The following DMD variants were observed in gnomAD, a reference collection of about 807,000 sequenced individuals.
DMD encodes the protein dystrophin, also known as mutant dystrophin.
Under a neutral mutation model 330.1 loss-of-function variants are expected in DMD, and 63 were observed. That is an observed-to-expected ratio of 0.19 (90% CI 0.16 to 0.24). The LOEUF is 0.24. Among genes scored for constraint, DMD ranks in the 10% least tolerant of loss-of-function variants. The pLI, the probability that DMD is intolerant of heterozygous loss-of-function variation, is 1.00. For missense variants in DMD, 3,344 were observed against 2,684.1 expected (o/e 1.25, Z -5.43); for synonymous variants, 1,223 against 959.8 (o/e 1.27, Z -5.07).
chrX:32,174,673 G>T (rs748813268), intron 44 of DMD, among the ~76,000 whole-genome samples: 5 of 111,590 alleles, frequency 4.5e-5, no homozygotes, highest in Admixed American at 9.5e-5. Flanking sequence ...TGGAAGCTAT[G>T]GTAAATTAAA....
intron 47 of DMD, among the ~76,000 whole-genome samples, chrX:31,889,539 A>G (rs1377298003): frequency 9.1e-6 from 1 of 109,459 alleles, no homozygotes; most frequent in African/African-American, 3.3e-5. Flanking sequence ...TCACTAAATA[A>G]TGTGATTTTG....
At chrX:31,387,173 C>A (rs2148764220) in intron 60 of DMD, among the ~76,000 whole-genome samples, 1 of 111,464 alleles carries the variant, frequency 9.0e-6, no homozygotes, top group Non-Finnish European at 1.9e-5. Flanking sequence ...TAAAAATGGT[C>A]ATTGTTCCAT....
chrX:31,406,835 A>G (rs1379903437), intron 60 of DMD, among the ~76,000 whole-genome samples: 2 of 111,475 alleles, frequency 1.8e-5, no homozygotes, highest in Non-Finnish European at 3.8e-5. Context: ...TAGTTTGTAA[A>G]AGAAAGGAGT....
At chrX:32,471,397 C>T (rs1395605941) in intron 22 of DMD, among the ~76,000 whole-genome samples, 6 of 112,004 alleles carry the variant, frequency 5.4e-5, no homozygotes, top group Non-Finnish European at 9.4e-5. Context: ...TATTAGAATT[C>T]AAATGTCTCA....
chrX:31,676,328 C>T (rs1216709524), intron 53 of DMD, among the ~76,000 whole-genome samples: 1 of 112,116 alleles, frequency 8.9e-6, no homozygotes, highest in African/African-American at 3.2e-5. Context: ...ATGACACATT[C>T]GATGTAAAGA....
At chrX:32,522,430 T>G (rs1429545635) in intron 17 of DMD, among the ~76,000 whole-genome samples, 1 of 112,268 alleles carries the variant, frequency 8.9e-6, no homozygotes, top group Non-Finnish European at 1.9e-5. Context: ...ATCCGTATAA[T>G]TTGTAAAGAT....
At chrX:31,326,028 G>A (rs1040706492) in intron 61 of DMD, among the ~76,000 whole-genome samples, 1 of 108,835 alleles carries the variant, frequency 9.2e-6, no homozygotes, top group African/African-American at 3.4e-5. Context: ...TCTGATAGCA[G>A]AAGAATCACT....
chrX:31,922,383 T>C (rs1256750520), intron 47 of DMD, among the ~76,000 whole-genome samples: 1 of 111,572 alleles, frequency 9.0e-6, no homozygotes, highest in Non-Finnish European at 1.9e-5. Context: ...GCGAGTGTTT[T>C]CCTGAGTTCT....
intron 2 of DMD, among the ~76,000 whole-genome samples, chrX:33,004,684 T>C (rs1451429892): frequency 1.8e-5 from 2 of 111,247 alleles, no homozygotes; most frequent in Non-Finnish European, 3.8e-5. Flanking sequence ...CTACTTATTA[T>C]ATTGGAATGC....
intron 21 of DMD, among the ~76,000 whole-genome samples, chrX:32,480,055 C>T (rs1300138817): frequency 1.8e-5 from 2 of 111,078 alleles, no homozygotes; most frequent in African/African-American, 6.5e-5. Context: ...CCTCAAAAAA[C>T]TCAACAGCAA....
chrX:31,712,291 C>T (rs960661219), intron 52 of DMD, among the ~76,000 whole-genome samples: 29 of 111,046 alleles, frequency 2.6e-4, no homozygotes, highest in Non-Finnish European at 5.3e-4. Flanking sequence ...TGTCAACCTA[C>T]TAAGTTATAG....
intron 7 of DMD, among the ~76,000 whole-genome samples, chrX:32,783,463 A>T (rs995703704): frequency 9.2e-6 from 1 of 108,660 alleles, no homozygotes; most frequent in African/African-American, 3.3e-5. Flanking sequence ...AAATAAAAAA[A>T]TATTCAGGAA....
chrX:32,814,876 T>C (rs1303787303), intron 6 of DMD, among the ~76,000 whole-genome samples: 1 of 111,826 alleles, frequency 8.9e-6, no homozygotes, highest in Non-Finnish European at 1.9e-5. Context: ...AACCTGATCC[T>C]TGATATTTTT....
At chrX:32,790,870 C>A (rs2075765575) in intron 7 of DMD, among the ~76,000 whole-genome samples, 1 of 111,569 alleles carries the variant, frequency 9.0e-6, no homozygotes, top group Admixed American at 9.5e-5. Context: ...CTGCCTTCCA[C>A]CTGAGCATTG....
At chrX:31,923,594 CTTT>C (rs746084752) in intron 47 of DMD, among the ~76,000 whole-genome samples, 39 of 76,205 alleles carry the variant, frequency 5.1e-4, no homozygotes, top group Admixed American at 1.3e-3. Context: ...GGTGAACACC[CTTT>C]TTTTTTTTTT....
At chrX:33,209,575 T>G (rs2051774590) in intron 1 of DMD, among the ~76,000 whole-genome samples, 1 of 111,517 alleles carries the variant, frequency 9.0e-6, no homozygotes, top group African/African-American at 3.2e-5. Flanking sequence ...TACGGCAAAT[T>G]TACAAACTGG....
At chrX:32,786,091 G>GTA (rs1274207266) in intron 7 of DMD, among the ~76,000 whole-genome samples, 22 of 102,323 alleles carry the variant, frequency 2.2e-4, no homozygotes, top group African/African-American at 7.6e-4. Context: ...ATAAGAGTGT[G>GTA]TGTGTGTGTG....
rs2098349469 is a variant in DMD, at chrX:32,454,825, G to A, written c.3440C>T (p.Ala1147Val). ...QWDHMCQQVY[A>V]RKEALKGGLE... ...ACCTCCCTTCAAGGCCTCCTTTCTG[G>A]CATAGACCTTCCACAAAACAAACAA... Residue 1147 changes from alanine to valine, a missense_variant, in exon 26 of 79, where the codon GCC becomes GTC. Coordinates refer to ENST00000357033, the MANE Select transcript of DMD (RefSeq NM_004006.3). 1.7e-6 allele frequency: 2 copies of A among 1,205,529 alleles called. No homozygotes were observed. Among genetic ancestry groups the A allele is most frequent in the South Asian group, 3.5e-5 (2 of 56,693 alleles).
Position 32,486,322 on chromosome X carries a change from A to G in DMD, c.2623-1223T>C, listed in dbSNP as rs1307713640. Among the ~76,000 whole-genome samples, 3 of 112,039 alleles carry G rather than the reference A, an allele frequency of 2.7e-5. No homozygotes were observed. The East Asian group carries it at 8.4e-4, about 31-fold the overall frequency. On this transcript the variant is annotated intron_variant, in intron 20 of 78. Transcript: ENST00000357033. ...TTTTAAATACTGATTACACTTTCAA[A>G]TAATATTTTTGATGAATCAGGTTAA...
Sources: gnomAD v4.1 joint callset for allele counts (sites outside exome capture counted in the v4.1 genomes callset) on GRCh38, gnomAD v4.1.1 for gene constraint, MANE v1.5 for transcripts, NCBI Gene and HGNC (gene_info 2026-07-23, HGNC 2026-07-21) for gene names.